Variants in SKIC2 observed in about 807,000 individuals in gnomAD.
SKIC2 encodes the protein superkiller complex protein 2.
the SKIC2 span, chr6:31,962,912 A>G: frequency 5.8e-5 from 79 of 1,352,860 alleles, 1 homozygote; most frequent in East Asian, 1.7e-3. This position sits in a 1 kb window ranked among gnomAD's most constrained non-coding sequence, Gnocchi z 5.0. Flanking sequence ...CCCCATATGG[A>G]ATCCTGTGCC....
chr6:31,969,407 G>A, the SKIC2 span: 1 of 1,614,196 alleles, frequency 6.2e-7, no homozygotes, highest in Non-Finnish European at 8.5e-7. This position sits in a 1 kb window ranked among gnomAD's most constrained non-coding sequence, Gnocchi z 6.1. Context: ...GTATATGAGT[G>A]GGCCCGGGGC....
chr6:31,963,177 G>A, the SKIC2 span: 1 of 1,035,262 alleles, frequency 9.7e-7, no homozygotes, highest in Non-Finnish European at 1.5e-6. This position sits in a 1 kb window ranked among gnomAD's most constrained non-coding sequence, Gnocchi z 5.3. Flanking sequence ...CCACAGCAAG[G>A]AGAGCGGTCA....
the SKIC2 span, chr6:31,959,275 G>A: frequency 1.2e-6 from 2 of 1,608,344 alleles, no homozygotes; most frequent in Non-Finnish European, 1.7e-6. Flanking sequence ...TTTGACCCCT[G>A]ACTTTTGACC....
At chr6:31,967,631 C>G in the SKIC2 span, 4 of 1,494,836 alleles carry the variant, frequency 2.7e-6, no homozygotes, top group East Asian at 2.3e-5. The surrounding 1 kb of genome is among the most constrained non-coding windows in gnomAD (Gnocchi z 4.9). Context: ...CTTCCTGATT[C>G]CTGCCCAAGG....
the SKIC2 span, chr6:31,959,877 T>C: frequency 1.5e-6 from 1 of 665,240 alleles, no homozygotes. Context: ...AGGTAGTTTT[T>C]GGCCAAGCCT....
chr6:31,962,500 A>G, the SKIC2 span: 1 of 1,614,108 alleles, frequency 6.2e-7, no homozygotes, highest in Non-Finnish European at 8.5e-7. This position sits in a 1 kb window ranked among gnomAD's most constrained non-coding sequence, Gnocchi z 5.0. Flanking sequence ...CTTCCGAAAC[A>G]CATTCGGGGA....
the SKIC2 span, chr6:31,964,439 C>A: frequency 2.3e-6 from 2 of 885,222 alleles, no homozygotes; most frequent in Non-Finnish European, 1.8e-6. The surrounding 1 kb of genome is among the most constrained non-coding windows in gnomAD (Gnocchi z 5.0). Flanking sequence ...CAGGCCAGTG[C>A]TGTGGTTAAG....
the SKIC2 span, chr6:31,968,863 T>C: frequency 6.2e-7 from 1 of 1,612,336 alleles, no homozygotes; most frequent in South Asian, 1.1e-5. This position sits in a 1 kb window ranked among gnomAD's most constrained non-coding sequence, Gnocchi z 6.1. Flanking sequence ...CCACCCTTTT[T>C]CTTGCAGGTG....
chr6:31,967,283 T>G, the SKIC2 span: 1 of 1,612,972 alleles, frequency 6.2e-7, no homozygotes, highest in Middle Eastern at 1.6e-4. The surrounding 1 kb of genome is among the most constrained non-coding windows in gnomAD (Gnocchi z 4.9). Context: ...CGACGCATCA[T>G]GGAGTCTGTG....
the SKIC2 span, chr6:31,969,159 C>T: frequency 6.5e-7 from 1 of 1,546,042 alleles, no homozygotes; most frequent in Non-Finnish European, 8.9e-7. This position sits in a 1 kb window ranked among gnomAD's most constrained non-coding sequence, Gnocchi z 6.1. Context: ...AGGTAGTCCC[C>T]CAGGTGACCC....
chr6:31,962,183 G>A, the SKIC2 span: 1 of 1,004,314 alleles, frequency 1.0e-6, no homozygotes, highest in Non-Finnish European at 1.5e-6. The surrounding 1 kb of genome is among the most constrained non-coding windows in gnomAD (Gnocchi z 5.0). Context: ...GGCTAAGACT[G>A]AGACAAGAGC....
At chr6:31,966,968 A>G in the SKIC2 span, 4 of 1,612,308 alleles carry the variant, frequency 2.5e-6, no homozygotes, top group South Asian at 4.4e-5. The surrounding 1 kb of genome is among the most constrained non-coding windows in gnomAD (Gnocchi z 5.9). Context: ...GGGCCTGGAG[A>G]CTCCCCTTTC....
At chr6:31,967,260 C>G in the SKIC2 span, 1 of 1,611,908 alleles carries the variant, frequency 6.2e-7, no homozygotes, top group Non-Finnish European at 8.5e-7. The surrounding 1 kb of genome is among the most constrained non-coding windows in gnomAD (Gnocchi z 4.9). Flanking sequence ...CCCATCTGTC[C>G]TTTGCTCTTC....
chr6:31,961,151 C>T, the SKIC2 span: 1 of 1,605,890 alleles, frequency 6.2e-7, no homozygotes, highest in Middle Eastern at 1.7e-4. Context: ...TCCTAAGGAA[C>T]AGAGATGGAC....
the SKIC2 span, chr6:31,960,610 A>G: frequency 7.0e-6 from 11 of 1,578,000 alleles, no homozygotes; most frequent in Admixed American, 1.7e-5. Flanking sequence ...AGGGTTCCCC[A>G]CCTATCTCGT....
chr6:31,968,651 G>T, the SKIC2 span: 1 of 1,581,696 alleles, frequency 6.3e-7, no homozygotes, highest in Non-Finnish European at 8.7e-7. This position sits in a 1 kb window ranked among gnomAD's most constrained non-coding sequence, Gnocchi z 6.1. Context: ...CCCTGCTAAG[G>T]GGCAAGGAGA....
chr6:31,968,796 G>GGTGGGTGGGGCA, the SKIC2 span: 2 of 1,612,070 alleles, frequency 1.2e-6, no homozygotes, highest in Non-Finnish European at 1.7e-6. The surrounding 1 kb of genome is among the most constrained non-coding windows in gnomAD (Gnocchi z 6.1). Flanking sequence ...AGCGAGTAGA[G>GGTGGGTGGGGCA]GTGGGTGGGG....
the SKIC2 span, among the ~76,000 whole-genome samples, chr6:31,966,475 A>G: frequency 6.6e-6 from 1 of 152,116 alleles, no homozygotes; most frequent in Non-Finnish European, 1.5e-5. The surrounding 1 kb of genome is among the most constrained non-coding windows in gnomAD (Gnocchi z 5.9). Context: ...ATGAGATTGG[A>G]GCCCATCTCT....
the SKIC2 span, chr6:31,959,936 A>G: frequency 2.8e-6 from 3 of 1,080,092 alleles, no homozygotes; most frequent in Middle Eastern, 2.0e-4. Flanking sequence ...TCTGAACACA[A>G]GTCCCATCAT....
Sources: gnomAD v4.1 joint callset for allele counts (sites outside exome capture counted in the v4.1 genomes callset) on GRCh38, gnomAD v4.1.1 for gene constraint, Gnocchi (gnomAD v3.1) non-coding constraint, MANE v1.5 for transcripts, NCBI Gene and HGNC (gene_info 2026-07-23, HGNC 2026-07-21) for gene names.